The following ZSCAN31 variants were observed in gnomAD, a reference collection of about 807,000 sequenced individuals.
The protein encoded by ZSCAN31 is zinc finger and SCAN domain-containing protein 31.
A neutral mutation model predicts 22.5 loss-of-function variants in ZSCAN31; 14 were observed. The observed-to-expected ratio is 0.62, with a 90% CI of 0.41 to 0.97. The LOEUF (loss-of-function observed/expected upper bound fraction) is 0.97. Among genes scored for constraint, ZSCAN31 ranks in the 50% least tolerant of loss-of-function variants. ZSCAN31 has a pLI of 0.00. For synonymous variants in ZSCAN31, 168 were observed against 169.8 expected (o/e 0.99, Z 0.08); for missense variants, 424 against 483.4 (o/e 0.88, Z 1.15).
intron 2 of ZSCAN31, among the ~76,000 whole-genome samples, chr6:28,343,139 T>C (rs1221700748): frequency 6.6e-6 from 1 of 152,168 alleles, no homozygotes; most frequent in Non-Finnish European, 1.5e-5. Context: ...TCTGCCTGCA[T>C]TGATCATTTC....
At chr6:28,343,532 T>A (rs1227177169) in intron 2 of ZSCAN31, among the ~76,000 whole-genome samples, 2 of 147,304 alleles carry the variant, frequency 1.4e-5, no homozygotes, top group Non-Finnish European at 3.0e-5. Context: ...TTTTCTTTTT[T>A]TTTTTCTTTC....
At chr6:28,353,344 T>C in intron 2 of ZSCAN31, 1 of 154,322 alleles carries the variant, frequency 6.5e-6, no homozygotes, top group Non-Finnish European at 1.4e-5. Flanking sequence ...TCAAATAATT[T>C]TGCAGTCACT....
chr6:28,343,115 G>T (rs944491687), intron 2 of ZSCAN31, among the ~76,000 whole-genome samples: 4 of 152,110 alleles, frequency 2.6e-5, no homozygotes, highest in African/African-American at 9.7e-5. Flanking sequence ...CTCATAGTGG[G>T]TCCACAGACA....
rs1265069326 is a variant in ZSCAN31 at position 28,333,422 on chromosome 6, T to G, written c.-96+2660A>C. Among the ~76,000 whole-genome samples the G allele has an allele frequency of 6.6e-6, 1 of 152,176 alleles. No individual in the cohort carries two copies. The highest frequency in any genetic ancestry group is 1.5e-5 in the Non-Finnish European group (1 of 68,032). ...AGGCCCTGTTTTGCTGGAGCAAACA[T>G]TTTAACGGGGAAGACAAACCAAAAA... On this transcript the variant is annotated intron_variant, in intron 1 of 3. Transcript: ENST00000344279. The surrounding 1 kb of genome is among the most constrained non-coding windows in gnomAD (Gnocchi z 4.1).
At position 28,349,279 on chromosome 6, in the gene ZSCAN31, C is replaced by T. The variant is rs1354766409; in HGVS notation, c.-371+4583G>A. On this transcript the variant is annotated intron_variant, in intron 2 of 7. Transcript: ENST00000396838. This position sits in a 1 kb window ranked among gnomAD's most constrained non-coding sequence, Gnocchi z 4.1. ...AGGTATATATTTCAACTACTTATCC[C>T]TAATGAATAAAGTTACTAATGTTTC... 1.3e-5 allele frequency among the ~76,000 whole-genome samples: 2 copies of T among 151,492 alleles called. No individual in the cohort carries two copies. The highest frequency in any genetic ancestry group is 4.8e-5 in the African/African-American group (2 of 41,238).
chr6:28,344,985 A>G (rs1048227778), intron 2 of ZSCAN31, among the ~76,000 whole-genome samples: 225 of 151,552 alleles, frequency 1.5e-3, no homozygotes, highest in African/African-American at 5.3e-3. Context: ...CAAAAAAAAA[A>G]AAAAGAAAAA....
upstream of ZSCAN31, among the ~76,000 whole-genome samples, chr6:28,337,408 G>A (rs1764231737): frequency 6.6e-6 from 1 of 152,156 alleles, no homozygotes; most frequent in East Asian, 1.9e-4. Context: ...TGGACTGTAA[G>A]GAAATGAGAC....
At position 28,347,523 on chromosome 6, in the gene ZSCAN31, T is replaced by C. The variant is rs1764690180; in HGVS notation, c.-370-5731A>G. ...TTAAAAATCGCAGTGCTTATCAACT[T>C]CCATTCCAGTTTATGTATTTATTTA... On this transcript the variant is annotated intron_variant, in intron 2 of 7. Coordinates refer to the ZSCAN31 transcript ENST00000396838. The surrounding 1 kb of genome is among the most constrained non-coding windows in gnomAD (Gnocchi z 5.2). Among the ~76,000 whole-genome samples, 2 of 152,244 alleles carry C rather than the reference T, an allele frequency of 1.3e-5. No homozygotes were observed. Among genetic ancestry groups the C allele is most frequent in the African/African-American group, 4.8e-5 (2 of 41,464 alleles).
rs1763372684 is a variant in ZSCAN31 at position 28,327,369 on chromosome 6, G to C, written c.532+14C>G. 6.2e-7 allele frequency: 1 copy of C among 1,613,776 alleles called. No individual in the cohort carries two copies. Among genetic ancestry groups the C allele is most frequent in the South Asian group, 1.1e-5 (1 of 91,076 alleles). On this transcript the variant is annotated intron_variant, in intron 3 of 3. Coordinates refer to ENST00000344279, the MANE Select transcript of ZSCAN31 (RefSeq NM_030899.5). ...CACCAGAGATCTCCTGAAGGGACCT[G>C]TCAAAATCCTTACCTTGTTCTTGAA...
At chr6:28,335,776 C>T (rs1049717053) in intron 1 of ZSCAN31, 3 of 152,288 alleles carry the variant, frequency 2.0e-5, no homozygotes, top group African/African-American at 4.8e-5. Flanking sequence ...GACCCCTTCT[C>T]TGCTGGCAGA....
intron 2 of ZSCAN31, among the ~76,000 whole-genome samples, chr6:28,342,302 G>A (rs531076228): frequency 2.2e-4 from 33 of 152,234 alleles, no homozygotes; most frequent in African/African-American, 2.4e-4. Context: ...AAAAAGTCTC[G>A]ACTCCTCAGA....
chr6:28,343,292 G>A (rs73742542), intron 2 of ZSCAN31, among the ~76,000 whole-genome samples: 24,887 of 152,026 alleles, frequency 0.16, 2,481 homozygotes, highest in African/African-American at 0.27. Flanking sequence ...CCATTCCCCA[G>A]ACAAAAGAGT....
intron 2 of ZSCAN31, among the ~76,000 whole-genome samples, chr6:28,327,869 T>C (rs949791851): frequency 6.6e-6 from 1 of 152,122 alleles, no homozygotes; most frequent in African/African-American, 2.4e-5. Context: ...AGAGAATCTG[T>C]CCTGATATTC....
intron 1 of ZSCAN31, chr6:28,354,126 C>T: frequency 2.7e-6 from 1 of 364,022 alleles, no homozygotes; most frequent in Non-Finnish European, 5.4e-6. Flanking sequence ...TAATTCCTGG[C>T]TCACCTCTGT....
chr6:28,344,768 A>C (rs926391715), intron 2 of ZSCAN31, among the ~76,000 whole-genome samples: 32 of 152,134 alleles, frequency 2.1e-4, no homozygotes, highest in Admixed American at 8.5e-4. Flanking sequence ...CTTTGTGGCT[A>C]CAGGTAAAAA....
chr6:28,349,428 A>T lies in ZSCAN31; in HGVS notation c.-371+4434T>A, dbSNP rs1764825722. Among the ~76,000 whole-genome samples the T allele has an allele frequency of 6.6e-6, 1 of 152,190 alleles. No individual in the cohort carries two copies. The highest frequency in any genetic ancestry group is 2.1e-4 in the South Asian group (1 of 4,830). ...TTTTAAAAAGTCCAGCCAACTTGCT[A>T]AACTCTCTTATTAATCATCATAATT... On this transcript the variant is annotated intron_variant, in intron 2 of 7. Coordinates refer to the ZSCAN31 transcript ENST00000396838. The surrounding 1 kb of genome is among the most constrained non-coding windows in gnomAD (Gnocchi z 4.1).
intron 2 of ZSCAN31, among the ~76,000 whole-genome samples, chr6:28,343,542 C>CTTTTTTTTTTTTTT (rs34131321): frequency 3.8e-5 from 4 of 105,874 alleles, no homozygotes; most frequent in African/African-American, 4.2e-5. Flanking sequence ...TTTTTTCTTT[C>CTTTTTTTTTTTTTT]TTTTTTTTTT....
Sources: allele counts gnomAD v4.1 joint callset (sites outside exome capture counted in the v4.1 genomes callset), GRCh38; gene constraint gnomAD v4.1.1; non-coding constraint Gnocchi (gnomAD v3.1); transcripts MANE v1.5; gene names NCBI Gene and HGNC (gene_info 2026-07-23, HGNC 2026-07-21).